DIP2C: variants seen among roughly 807,000 people sequenced by gnomAD.
DIP2C encodes the protein DIP2 acetate--CoA ligase C (putative).
Under a neutral mutation model 192.4 loss-of-function variants are expected in DIP2C, and 33 were observed. That is an observed-to-expected ratio of 0.17 (90% confidence interval 0.13 to 0.23). The LOEUF is 0.23. Among genes scored for constraint, DIP2C ranks in the 10% least tolerant of loss-of-function variants. The pLI is 1.00. For missense variants in DIP2C, 1,537 were observed against 2,110.1 expected (o/e 0.73, Z 5.32); for synonymous variants, 979 against 864.1 (o/e 1.13, Z -2.33).
rs1217066144 is a variant in DIP2C, at chr10:666,293, A to C, written c.85+23201T>G. ...GAAAGACTCACAACATCCCTGGAAAAGCAACGAGGCGAACGGCTGGTCTGC... is the reference window on the plus strand; with the variant it reads ...GAAAGACTCACAACATCCCTGGAAACGCAACGAGGCGAACGGCTGGTCTGC... On this transcript the variant is annotated intron_variant, in intron 1 of 36. Coordinates refer to ENST00000280886, the MANE Select transcript of DIP2C (RefSeq NM_014974.3). The surrounding 1 kb of genome is among the most constrained non-coding windows in gnomAD (Gnocchi z 4.1). 1 of 152,290 alleles carries C rather than the reference A, an allele frequency of 6.6e-6. No homozygotes were observed. Among genetic ancestry groups the C allele is most frequent in the East Asian group, 1.9e-4 (1 of 5,202 alleles). 9.4% of individuals were successfully genotyped at this position (152,290 alleles called of 1,614,324 possible).
At chr10:580,477 T>A (rs999289850) in intron 1 of DIP2C, among the ~76,000 whole-genome samples, 1 of 152,196 alleles carries the variant, frequency 6.6e-6, no homozygotes, top group Middle Eastern at 3.2e-3. Flanking sequence ...GCAGTACAGA[T>A]ACATGTCCAA....
Position 286,186 on chromosome 10 carries a change from G to A in DIP2C, c.4119+87C>T. The stretch of plus-strand genomic sequence containing the variant: ...TCAAACCGGTGTGTGGCAGATGGAG[G>A]GCATGTGAGCAGTTCTGATGGTGTC... On this transcript the variant is annotated intron_variant, in intron 34 of 36. Coordinates refer to ENST00000280886, the MANE Select transcript of DIP2C (RefSeq NM_014974.3). The A allele has an allele frequency of 2.5e-6, 3 of 1,217,592 alleles. No homozygotes were observed. The South Asian group carries it at 3.9e-5, about 16-fold the overall frequency. The allele number at this position is 1,217,592 out of a possible 1,614,324, so 75.4% of individuals were successfully genotyped here.
At chr10:526,404 T>C (rs1847053358) in intron 1 of DIP2C, among the ~76,000 whole-genome samples, 1 of 152,156 alleles carries the variant, frequency 6.6e-6, no homozygotes, top group Non-Finnish European at 1.5e-5. Context: ...TCCAGGTGTT[T>C]AGGTTCATAC....
chr10:670,166 A>G (rs563783496), intron 1 of DIP2C, among the ~76,000 whole-genome samples: 46 of 152,264 alleles, frequency 3.0e-4, no homozygotes, highest in African/African-American at 1.1e-3. Flanking sequence ...ACGTGCGCAC[A>G]TGCATGAACA....
At chr10:559,870 C>T (rs1215504715) in intron 1 of DIP2C, among the ~76,000 whole-genome samples, 1 of 152,218 alleles carries the variant, frequency 6.6e-6, no homozygotes, top group East Asian at 1.9e-4. Context: ...GTGAGACATC[C>T]ACCCACCTGG....
chr10:452,628 T>C (rs571796003), intron 3 of DIP2C, among the ~76,000 whole-genome samples: 3 of 152,320 alleles, frequency 2.0e-5, no homozygotes, highest in Non-Finnish European at 4.4e-5. Flanking sequence ...ACGTGACACC[T>C]AGAGGGAAGC....
chr10:288,241 T>C (rs1955256480), intron 33 of DIP2C, 123 bp downstream of exon 33: 1 of 941,362 alleles, frequency 1.1e-6, no homozygotes, highest in Middle Eastern at 2.2e-4. Context: ...CTCACTGATA[T>C]GTTACTTTCA....
intron 1 of DIP2C, among the ~76,000 whole-genome samples, chr10:615,013 G>T (rs954198927): frequency 6.6e-6 from 1 of 152,226 alleles, no homozygotes; most frequent in Non-Finnish European, 1.5e-5. Context: ...CAGCCGAAGC[G>T]CTGGTCCCAC....
Position 636,862 on chromosome 10 carries a change from T to C in DIP2C, c.85+52632A>G, listed in dbSNP as rs1477519260. ...CTCGAGGCGCAATCACCTTCCGTCATACACTTCTCAGCAGCTTCCCGGTGA... is the reference window on the plus strand; with the variant it reads ...CTCGAGGCGCAATCACCTTCCGTCACACACTTCTCAGCAGCTTCCCGGTGA... On this transcript the variant is annotated intron_variant, in intron 1 of 36. Coordinates refer to ENST00000280886, the MANE Select transcript of DIP2C (RefSeq NM_014974.3). This position sits in a 1 kb window ranked among gnomAD's most constrained non-coding sequence, Gnocchi z 4.6. Among the ~76,000 whole-genome samples the C allele has an allele frequency of 6.6e-6, 1 of 152,198 alleles. No homozygotes were observed. The highest frequency in any genetic ancestry group is 1.5e-5 in the Non-Finnish European group (1 of 68,026).
chr10:409,324 C>T (rs529706177), intron 8 of DIP2C, among the ~76,000 whole-genome samples: 10 of 152,058 alleles, frequency 6.6e-5, no homozygotes, highest in East Asian at 1.9e-4. Flanking sequence ...AGGGGGGGCG[C>T]GGACAGTGCA....
rs932146487 is a variant in DIP2C at position 275,102 on chromosome 10, G to A, written c.*2223C>T. On this transcript the variant is annotated 3_prime_UTR_variant, in exon 37 of 37. Transcript: ENST00000280886. Reference sequence around the variant, plus strand: ...ACTGCAGCGTCCACACTCCTTGAATGTAGAGTTGATCTGGTGACAGTTGAA... The same window carrying A: ...ACTGCAGCGTCCACACTCCTTGAATATAGAGTTGATCTGGTGACAGTTGAA... 1 of 152,272 alleles carries A rather than the reference G, an allele frequency of 6.6e-6. No individual in the cohort carries two copies. Among genetic ancestry groups the A allele is most frequent in the Non-Finnish European group, 1.5e-5 (1 of 68,070 alleles). 9.4% of individuals were successfully genotyped at this position (152,272 alleles called of 1,614,324 possible). A position where few individuals can be genotyped will look rare whatever the true frequency, so the allele number is the denominator to read the frequency against.
chr10:326,333 C>T (rs539057647), intron 31 of DIP2C, among the ~76,000 whole-genome samples: 15 of 152,108 alleles, frequency 9.9e-5, no homozygotes, highest in Non-Finnish European at 1.8e-4. Flanking sequence ...AGGGAGCCTT[C>T]GGAGGCTCAC....
chr10:285,479 C>CGGAG (rs1418099235), intron 34 of DIP2C, among the ~76,000 whole-genome samples: 1 of 152,202 alleles, frequency 6.6e-6, no homozygotes, highest in Non-Finnish European at 1.5e-5. Context: ...CCGGGGTAAC[C>CGGAG]GGAGGGAGGG....
chr10:488,413 C>T (rs1201635248), intron 1 of DIP2C, among the ~76,000 whole-genome samples: 3 of 152,194 alleles, frequency 2.0e-5, no homozygotes, highest in African/African-American at 4.8e-5. Flanking sequence ...ACTTATTTTA[C>T]AGATGAGAAT....
chr10:486,057 G>A (rs955098482), intron 2 of DIP2C, among the ~76,000 whole-genome samples: 28 of 152,244 alleles, frequency 1.8e-4, no homozygotes, highest in Non-Finnish European at 3.2e-4. Context: ...CAAGTCCTGG[G>A]CGGGGTATCA....
intron 1 of DIP2C, among the ~76,000 whole-genome samples, chr10:526,215 C>T (rs1847041765): frequency 6.6e-6 from 1 of 152,178 alleles, no homozygotes; most frequent in South Asian, 2.1e-4. Flanking sequence ...CTCACAAAGC[C>T]CACAGCCGCG....
At chr10:599,370 CAGCA>C (rs1270360649) in intron 1 of DIP2C, among the ~76,000 whole-genome samples, 1 of 152,292 alleles carries the variant, frequency 6.6e-6, no homozygotes, top group East Asian at 1.9e-4. Context: ...GAAACAAATC[CAGCA>C]AGCAATCTCT....
At chr10:357,340 A>G (rs1959130884) in intron 23 of DIP2C, among the ~76,000 whole-genome samples, 1 of 152,176 alleles carries the variant, frequency 6.6e-6, no homozygotes, top group African/African-American at 2.4e-5. Context: ...TAGAGTCCAC[A>G]GAGCACAGGA....
At chr10:491,525 C>T (rs897731198) in intron 1 of DIP2C, among the ~76,000 whole-genome samples, 1 of 152,166 alleles carries the variant, frequency 6.6e-6, no homozygotes, top group African/African-American at 2.4e-5. Flanking sequence ...CTGTGTGTAC[C>T]CCTCGCCTGC....
Sources: allele counts gnomAD v4.1 joint callset (sites outside exome capture counted in the v4.1 genomes callset), GRCh38; gene constraint gnomAD v4.1.1; non-coding constraint Gnocchi (gnomAD v3.1); transcripts MANE v1.5; gene names NCBI Gene and HGNC (gene_info 2026-07-23, HGNC 2026-07-21).